FCER1A: variants seen among roughly 807,000 people sequenced by gnomAD.
FCER1A encodes high affinity immunoglobulin epsilon receptor subunit alpha.
Under a neutral mutation model 23.6 loss-of-function variants are expected in FCER1A, and 24 were observed. The ratio of observed to expected loss-of-function variants is 1.02; its 90% CI spans 0.74 to 1.43. The LOEUF (loss-of-function observed/expected upper bound fraction) is 1.43. Ranked by LOEUF, FCER1A falls within the 40% of genes most tolerant of loss-of-function variation. The pLI, the probability that FCER1A is intolerant of heterozygous loss-of-function variation, is 0.00. For synonymous variants in FCER1A, 121 were observed against 108.8 expected (o/e 1.11, Z -0.70); for missense variants, 318 against 294.5 (o/e 1.08, Z -0.58).
upstream of FCER1A, among the ~76,000 whole-genome samples, chr1:159,297,640 C>T (rs1368385883): frequency 6.6e-6 from 1 of 152,086 alleles, no homozygotes; most frequent in Non-Finnish European, 1.5e-5. Flanking sequence ...AGAGCTTGTT[C>T]CTAGCCTGAA....
At chr1:159,288,923 G>A (rs572699887), upstream of FCER1A, among the ~76,000 whole-genome samples, 6 of 152,148 alleles carry the variant, frequency 3.9e-5, no homozygotes, top group East Asian at 3.9e-4. Context: ...TGAGGGGTTC[G>A]GGCTTCTCAA....
chr1:159,285,790 A>G (rs1186261545), upstream of FCER1A, among the ~76,000 whole-genome samples: 1 of 152,204 alleles, frequency 6.6e-6, no homozygotes, highest in Non-Finnish European at 1.5e-5. Flanking sequence ...AACTCTAATC[A>G]GGAGACACAT....
intron 1 of FCER1A, among the ~76,000 whole-genome samples, chr1:159,290,706 G>A (rs1340737308): frequency 6.6e-6 from 1 of 152,172 alleles, no homozygotes; most frequent in African/African-American, 2.4e-5. Flanking sequence ...ATTCCTGTGA[G>A]TATTAAATAG....
At chr1:159,307,664 TC>T in intron 4 of FCER1A, 83 bp from the exon 5 acceptor site, 2 of 1,030,196 alleles carry the variant, frequency 1.9e-6, no homozygotes, top group South Asian at 3.3e-5. Context: ...TTGGTCTTTC[TC>T]TTAGGGAGGA....
chr1:159,293,293 T>C (rs1038799486), intron 1 of FCER1A, among the ~76,000 whole-genome samples: 6 of 151,910 alleles, frequency 3.9e-5, no homozygotes, highest in Non-Finnish European at 7.4e-5. Context: ...CAGGCCCTCA[T>C]GATCTGGCCC....
upstream of FCER1A, among the ~76,000 whole-genome samples, chr1:159,285,708 G>A (rs1037462474): frequency 6.6e-6 from 1 of 151,928 alleles, no homozygotes; most frequent in African/African-American, 2.4e-5. Flanking sequence ...ATATTGCATG[G>A]AATATACAAA....
chr1:159,288,574 T>C (rs547311651), upstream of FCER1A, among the ~76,000 whole-genome samples: 5 of 152,334 alleles, frequency 3.3e-5, no homozygotes, highest in African/African-American at 1.2e-4. Flanking sequence ...GTAATTCAGT[T>C]AACCTGGGTT....
chr1:159,290,418 T>C (rs1302601465), intron 1 of FCER1A, among the ~76,000 whole-genome samples: 4 of 152,200 alleles, frequency 2.6e-5, no homozygotes, highest in Admixed American at 2.6e-4. Flanking sequence ...ATCAGTACCC[T>C]AGCAGTGTCA....
chr1:159,286,922 G>A (rs1468820229), upstream of FCER1A, among the ~76,000 whole-genome samples: 2 of 152,098 alleles, frequency 1.3e-5, no homozygotes, highest in Non-Finnish European at 2.9e-5. Flanking sequence ...CATATTATAG[G>A]GGGAGGAGGC....
At chr1:159,302,136 G>A (rs1334003506), upstream of FCER1A, among the ~76,000 whole-genome samples, 1 of 152,190 alleles carries the variant, frequency 6.6e-6, no homozygotes, top group African/African-American at 2.4e-5. Flanking sequence ...CAGATTCCAG[G>A]TGTATATGTG....
chr1:159,291,260 CTT>C (rs1652145413), intron 1 of FCER1A, among the ~76,000 whole-genome samples: 1 of 152,102 alleles, frequency 6.6e-6, no homozygotes, highest in Non-Finnish European at 1.5e-5. Flanking sequence ...TGTATTTTCT[CTT>C]TGTCATCTTC....
At chr1:159,288,361 A>G (rs1171589965), upstream of FCER1A, among the ~76,000 whole-genome samples, 1 of 152,068 alleles carries the variant, frequency 6.6e-6, no homozygotes, top group Non-Finnish European at 1.5e-5. Context: ...TCATCGGACT[A>G]TTCTTGGTTC....
upstream of FCER1A, among the ~76,000 whole-genome samples, chr1:159,297,908 T>A (rs1037182243): frequency 6.6e-6 from 1 of 152,110 alleles, no homozygotes; most frequent in Non-Finnish European, 1.5e-5. Flanking sequence ...GAAAACTTTT[T>A]TATACTACAA....
chr1:159,304,629 A>T (rs969717138), intron 3 of FCER1A, among the ~76,000 whole-genome samples: 2 of 151,514 alleles, frequency 1.3e-5, no homozygotes, highest in African/African-American at 2.4e-5. Context: ...AATAAATAAA[A>T]AAGACCCCTG....
At chr1:159,303,019 C>T in intron 2 of FCER1A, 145 bp downstream of exon 2, 1 of 794,152 alleles carries the variant, frequency 1.3e-6, no homozygotes, top group East Asian at 2.4e-5. Flanking sequence ...TCCACCTTGC[C>T]TTGTCTTTCT....
upstream of FCER1A, among the ~76,000 whole-genome samples, chr1:159,301,636 T>C (rs1265849368): frequency 6.6e-6 from 1 of 152,184 alleles, no homozygotes; most frequent in Non-Finnish European, 1.5e-5. Flanking sequence ...GTGAATCAGA[T>C]GAAAATTTGT....
the FCER1A span, among the ~76,000 whole-genome samples, chr1:159,284,707 C>CTATATATATA: frequency 6.6e-6 from 1 of 152,102 alleles, no homozygotes. Flanking sequence ...GTGCACCTGT[C>CTATATATATA]TATATACACA....
At chr1:159,303,288 T>G (rs1652494359) in intron 2 of FCER1A, among the ~76,000 whole-genome samples, 1 of 152,234 alleles carries the variant, frequency 6.6e-6, no homozygotes, top group African/African-American at 2.4e-5. Context: ...CTCTTCTGAC[T>G]ATATCACCCT....
At chr1:159,288,726 A>C (rs2102213193), upstream of FCER1A, among the ~76,000 whole-genome samples, 1 of 152,214 alleles carries the variant, frequency 6.6e-6, no homozygotes, top group African/African-American at 2.4e-5. Context: ...TAATTTGTTC[A>C]CTTTTTAATT....
Sources: allele counts gnomAD v4.1 joint callset (sites outside exome capture counted in the v4.1 genomes callset), GRCh38; gene constraint gnomAD v4.1.1; transcripts MANE v1.5; gene names NCBI Gene and HGNC (gene_info 2026-07-23, HGNC 2026-07-21).